The following ABLIM3 variants were observed in gnomAD, a reference collection of about 807,000 sequenced individuals.
ABLIM3 encodes the protein actin binding LIM protein family member 3, also known as actin-binding LIM protein 3.
ABLIM3 carries 61 observed loss-of-function variants against 109.5 expected under a neutral mutation model. The observed-to-expected ratio is 0.56, with a 90% CI of 0.45 to 0.69. The LOEUF is 0.69. ABLIM3 is among the 30% of genes least tolerant of loss of function. ABLIM3 has a pLI of 0.00. For synonymous variants in ABLIM3, 300 were observed against 324.8 expected, an observed-to-expected ratio of 0.92 and a Z score of 0.82; for missense variants, 796 against 889.5, an observed-to-expected ratio of 0.89 and a Z score of 1.34.
chr5:149,238,861 C>T (rs11168096), intron 11 of ABLIM3, among the ~76,000 whole-genome samples: 61,791 of 152,018 alleles, frequency 0.41, 12,902 homozygotes, highest in East Asian at 0.59. Flanking sequence ...CCCTGGGCAT[C>T]GTCCTCATGA....
chr5:149,227,914 A>G (rs780676250), intron 8 of ABLIM3, among the ~76,000 whole-genome samples: 4 of 152,252 alleles, frequency 2.6e-5, no homozygotes, highest in Non-Finnish European at 4.4e-5. Context: ...ATCTGTAGGT[A>G]TAACAGACAT....
At chr5:149,181,200 G>A (rs1296922513) in intron 2 of ABLIM3, among the ~76,000 whole-genome samples, 2 of 152,022 alleles carry the variant, frequency 1.3e-5, no homozygotes, top group African/African-American at 4.8e-5. Flanking sequence ...CAAATTCAGG[G>A]CAGAAGAGAG....
At chr5:149,235,642 G>A (rs1271686464) in intron 10 of ABLIM3, among the ~76,000 whole-genome samples, 1 of 152,220 alleles carries the variant, frequency 6.6e-6, no homozygotes. Flanking sequence ...GATGCCAAGA[G>A]CTCTCAAGGT....
chr5:149,217,225 G>A (rs750782425), intron 8 of ABLIM3, 179 bp downstream of exon 8: 10 of 635,210 alleles, frequency 1.6e-5, no homozygotes, highest in Non-Finnish European at 2.8e-5. Flanking sequence ...TTGCCGGTGT[G>A]GCTAATATGA....
intron 3 of ABLIM3, among the ~76,000 whole-genome samples, chr5:149,186,240 C>T (rs9654503): frequency 0.024 from 3,674 of 152,010 alleles, 147 homozygotes; most frequent in African/African-American, 0.084. Context: ...ATGGTGAAAC[C>T]CCACCTCTAC....
At chr5:149,149,433 A>T (rs1191599287) in intron 2 of ABLIM3, among the ~76,000 whole-genome samples, 1 of 152,234 alleles carries the variant, frequency 6.6e-6, no homozygotes, top group East Asian at 1.9e-4. Context: ...TCCTCTGATT[A>T]AAAATTAGTC....
rs549612963 is a variant in ABLIM3, at chr5:149,225,502, T to A, written c.758-5147T>A. On this transcript the variant is annotated intron_variant, in intron 8 of 23. Transcript: ENST00000309868. ...AGGTATCAGCAGGTCATTCCTTTTATGGCTGAACAATATTCCATTTTTGGA... is the reference window on the plus strand; with the variant it reads ...AGGTATCAGCAGGTCATTCCTTTTAAGGCTGAACAATATTCCATTTTTGGA... 1.3e-4 allele frequency among the ~76,000 whole-genome samples: 20 copies of A among 152,378 alleles called. No homozygotes were observed. The South Asian group carries it at 3.9e-3, about 30-fold the overall frequency.
intron 3 of ABLIM3, among the ~76,000 whole-genome samples, chr5:149,186,927 A>G (rs1225602083): frequency 1.3e-5 from 2 of 152,222 alleles, no homozygotes; most frequent in Non-Finnish European, 2.9e-5. Flanking sequence ...AAAAATAGAA[A>G]TATATAATCT....
chr5:149,167,781 A>T (rs1271212928), intron 2 of ABLIM3, among the ~76,000 whole-genome samples: 1 of 152,072 alleles, frequency 6.6e-6, no homozygotes, highest in Non-Finnish European at 1.5e-5. Flanking sequence ...TGATACAAAC[A>T]CATCCTTGAT....
intron 7 of ABLIM3, 135 bp downstream of exon 7, chr5:149,210,954 T>TGTAGCAA: frequency 1.3e-6 from 1 of 789,402 alleles, no homozygotes. Context: ...GCTTGCTACA[T>TGTAGCAA]GACCTTGAGC....
At chr5:149,178,038 T>A (rs1489763380) in intron 2 of ABLIM3, among the ~76,000 whole-genome samples, 1 of 152,150 alleles carries the variant, frequency 6.6e-6, no homozygotes, top group Admixed American at 6.5e-5. Flanking sequence ...ACCCGCTGTG[T>A]CGTGTGCTTC....
chr5:149,176,359 A>T (rs772491764), intron 2 of ABLIM3, among the ~76,000 whole-genome samples: 9 of 152,168 alleles, frequency 5.9e-5, no homozygotes, highest in Admixed American at 4.6e-4. Flanking sequence ...TTTTAAAACA[A>T]CTAGGTAATG....
intron 3 of ABLIM3, among the ~76,000 whole-genome samples, chr5:149,192,712 A>G (rs1043030258): frequency 1.3e-5 from 2 of 152,156 alleles, no homozygotes; most frequent in African/African-American, 2.4e-5. Context: ...TAATTTTGCA[A>G]AGCTTTAACG....
At chr5:149,195,666 G>A (rs1030674048) in intron 3 of ABLIM3, among the ~76,000 whole-genome samples, 3 of 152,222 alleles carry the variant, frequency 2.0e-5, no homozygotes, top group Non-Finnish European at 4.4e-5. Context: ...CAATGAGGTT[G>A]TAGGCCATGA....
chr5:149,147,100 T>G (rs1753004271), intron 2 of ABLIM3, among the ~76,000 whole-genome samples: 1 of 151,626 alleles, frequency 6.6e-6, no homozygotes, highest in African/African-American at 2.4e-5. Context: ...GCTCGCTTGC[T>G]CGCTCTCTGT....
chr5:149,210,254 T>A (rs1162419257), intron 6 of ABLIM3, among the ~76,000 whole-genome samples: 1 of 152,144 alleles, frequency 6.6e-6, no homozygotes, highest in Non-Finnish European at 1.5e-5. Context: ...CCAGACAACC[T>A]GGGTTTGAAT....
At chr5:149,183,971 G>GTT (rs11407929) in intron 3 of ABLIM3, among the ~76,000 whole-genome samples, 2,304 of 144,650 alleles carry the variant, frequency 0.016, 50 homozygotes, top group African/African-American at 0.048. Flanking sequence ...TTGTTTTTTG[G>GTT]TTTTTTTTTT....
At chr5:149,247,741 G>C (rs759691470) in intron 17 of ABLIM3, 41 bp from the exon 18 acceptor site, 2 of 1,613,882 alleles carry the variant, frequency 1.2e-6, no homozygotes, top group East Asian at 4.5e-5. Context: ...AGTGTCCTTT[G>C]TTTTCCTTCT....
rs950647622 is a variant in ABLIM3, at chr5:149,207,260, C to T, written c.575+126C>T. The T allele has an allele frequency of 5.1e-6, 7 of 1,375,694 alleles. No homozygotes were observed. In the African/African-American group the frequency reaches 8.8e-5, roughly 17 times the overall value. 85.2% of individuals were successfully genotyped at this position (1,375,694 alleles called of 1,614,324 possible). On this transcript the variant is annotated intron_variant, in intron 6 of 23. Transcript: ENST00000309868. ...TTTCCGTCTGCTGCTGCATTCTGGCCAAACAGCATCTTTCCCAGCAGCCTC... is the reference window on the plus strand; with the variant it reads ...TTTCCGTCTGCTGCTGCATTCTGGCTAAACAGCATCTTTCCCAGCAGCCTC...
Sources: gnomAD v4.1 joint callset for allele counts (sites outside exome capture counted in the v4.1 genomes callset) on GRCh38, gnomAD v4.1.1 for gene constraint, MANE v1.5 for transcripts, NCBI Gene and HGNC (gene_info 2026-07-23, HGNC 2026-07-21) for gene names.